The following KAT6B variants were observed in gnomAD, a reference collection of about 807,000 sequenced individuals.
KAT6B encodes histone acetyltransferase KAT6B.
Under a neutral mutation model 187.5 loss-of-function variants are expected in KAT6B, and 10 were observed. The ratio of observed to expected loss-of-function variants is 0.05; its 90% CI spans 0.03 to 0.09. KAT6B has a LOEUF of 0.09. KAT6B is among the 10% of genes least tolerant of loss of function. The probability of loss-of-function intolerance (pLI) is 1.00; values close to 1 mark genes in which losing one functional copy is unlikely to be tolerated. For synonymous variants in KAT6B, 861 were observed against 926.8 expected (o/e 0.93, Z 1.29); for missense variants, 1,952 against 2,558.9 (o/e 0.76, Z 5.12).
chr10:74,947,388 A>T (rs1177438011), intron 3 of KAT6B, among the ~76,000 whole-genome samples: 2 of 152,352 alleles, frequency 1.3e-5, no homozygotes, highest in South Asian at 4.1e-4. Context: ...ATTTCCCCCC[A>T]TAACCGTGTG....
intron 3 of KAT6B, among the ~76,000 whole-genome samples, chr10:74,865,169 C>T (rs1280752724): frequency 6.6e-6 from 1 of 152,028 alleles, no homozygotes; most frequent in African/African-American, 2.4e-5. Flanking sequence ...AGTGCCTATT[C>T]AATAACAAAA....
chr10:74,897,600 G>A (rs1230497007), intron 3 of KAT6B, among the ~76,000 whole-genome samples: 1 of 152,134 alleles, frequency 6.6e-6, no homozygotes, highest in African/African-American at 2.4e-5. Context: ...CCCCTAGCAA[G>A]GCATGTAGTT....
chr10:74,967,044 A>C (rs565078678), intron 4 of KAT6B, among the ~76,000 whole-genome samples: 1 of 150,690 alleles, frequency 6.6e-6, no homozygotes, highest in African/African-American at 2.5e-5. Flanking sequence ...ATAAAAAAAT[A>C]GGCTGGGCGC....
At chr10:75,012,899 G>A (rs182364469) in intron 13 of KAT6B, among the ~76,000 whole-genome samples, 2 of 152,254 alleles carry the variant, frequency 1.3e-5, no homozygotes, top group South Asian at 4.1e-4. Flanking sequence ...ATTCCACTCT[G>A]GAATGGACTT....
At chr10:74,999,005 C>T (rs1382968329) in intron 13 of KAT6B, among the ~76,000 whole-genome samples, 1 of 152,094 alleles carries the variant, frequency 6.6e-6, no homozygotes, top group Non-Finnish European at 1.5e-5. Flanking sequence ...AATATGTTCT[C>T]AATTATGTAA....
chr10:74,972,573 C>T lies in KAT6B; in HGVS notation c.995C>T (p.Ala332Val). ...KGRKLLHEKA[A>V]QIKRRYAKPI... ...AGAAAACTACTTCATGAGAAAGCTG[C>T]ACAAATAAAACGACGATATGCAAAA... is the stretch of plus-strand genomic sequence containing the variant. Residue 332 changes from alanine (A) to valine (V), a missense_variant, in exon 7 of 18, where the codon GCA becomes GTA. Transcript: ENST00000287239. The T allele has an allele frequency of 6.2e-7, 1 of 1,608,260 alleles. No homozygotes were observed. The highest frequency in any genetic ancestry group is 8.5e-7 in the Non-Finnish European group (1 of 1,175,748).
At chr10:74,946,869 T>C (rs1009338507) in intron 3 of KAT6B, among the ~76,000 whole-genome samples, 1 of 152,204 alleles carries the variant, frequency 6.6e-6, no homozygotes, top group South Asian at 2.1e-4. Context: ...GTATGTAAAA[T>C]ATGGCTCAAC....
intron 3 of KAT6B, among the ~76,000 whole-genome samples, chr10:74,921,108 A>ATTTTTTT (rs10550175): frequency 3.7e-5 from 4 of 109,508 alleles, no homozygotes; most frequent in Non-Finnish European, 7.0e-5. Context: ...TGTAGTCTAA[A>ATTTTTTT]TTTTTTTTTT....
At chr10:74,838,541 A>G (rs1841485541) in intron 1 of KAT6B, 142 bp from the exon 2 acceptor site, 1 of 152,250 alleles carries the variant, frequency 6.6e-6, no homozygotes, top group Non-Finnish European at 1.5e-5. Flanking sequence ...TCAGTGGTCT[A>G]AAAGAATTAT....
chr10:75,029,936 C>T lies in KAT6B; in HGVS notation c.5112C>T (p.Cys1704=), dbSNP rs767983250. The change falls in exon 18 of 18, where the codon TGC becomes TGT. Residue 1704 remains cysteine (C), a synonymous_variant. Coordinates refer to ENST00000287239, the MANE Select transcript of KAT6B (RefSeq NM_012330.4). The surrounding 1 kb of genome is among the most constrained non-coding windows in gnomAD (Gnocchi z 6.2). ...ICGNGSSQNS[C]SYSNLTSSSL... ...GAAACGGCTCTTCACAGAACAGCTG[C>T]TCCTATAGCAACCTCACCTCCAGCA... is the stretch of plus-strand genomic sequence containing the variant. The T allele has an allele frequency of 2.9e-5, 47 of 1,614,098 alleles. No homozygotes were observed. The highest frequency in any genetic ancestry group is 3.7e-5 in the Non-Finnish European group (44 of 1,180,048).
rs368259149 is a variant in KAT6B at position 74,975,619 on chromosome 10, A to C, written c.1282A>C (p.Asn428His). Residue 428 changes from asparagine to histidine, a missense_variant, in exon 8 of 18, where the codon AAC becomes CAC. This residue lies in a region of KAT6B where 417 missense variants were observed against 508.9 expected (regional missense o/e 0.82). Transcript: ENST00000287239. ...CATTTCTGCCTCTACACTTAAAGTTAACAAGAAAACCAAAGGGCTCATTGA... is the reference window on the plus strand; with the variant it reads ...CATTTCTGCCTCTACACTTAAAGTTCACAAGAAAACCAAAGGGCTCATTGA... ...TYISASTLKV[N>H]KKTKGLIDGL... is the part of the protein sequence containing the mutation. The C allele has an allele frequency of 1.6e-4, 258 of 1,614,066 alleles. No individual in the cohort carries two copies. The highest frequency in any genetic ancestry group is 2.1e-4 in the Non-Finnish European group (247 of 1,180,062).
At chr10:74,965,760 C>A (rs1841417709) in intron 4 of KAT6B, among the ~76,000 whole-genome samples, 1 of 150,288 alleles carries the variant, frequency 6.7e-6, no homozygotes, top group Non-Finnish European at 1.5e-5. Context: ...GAGTCTCACT[C>A]TGATGCCCAG....
At chr10:74,890,095 G>C (rs1027871066) in intron 3 of KAT6B, among the ~76,000 whole-genome samples, 3 of 151,716 alleles carry the variant, frequency 2.0e-5, no homozygotes, top group Non-Finnish European at 2.9e-5. Flanking sequence ...CTGGAGTGCA[G>C]TGGTGTAGTC....
intron 14 of KAT6B, 57 bp downstream of exon 14, chr10:75,020,870 T>A (rs149516114): frequency 1.4e-6 from 2 of 1,400,666 alleles, no homozygotes; most frequent in East Asian, 2.3e-5. Context: ...CCAGAAAGGG[T>A]CCCTGGAGAT....
intron 6 of KAT6B, among the ~76,000 whole-genome samples, chr10:74,971,570 G>C (rs964284106): frequency 6.6e-6 from 1 of 151,972 alleles, no homozygotes; most frequent in African/African-American, 2.4e-5. Flanking sequence ...ATTCTTGGCT[G>C]TTTGTATATC....
intron 12 of KAT6B, among the ~76,000 whole-genome samples, chr10:74,988,048 T>G (rs1479981169): frequency 6.6e-6 from 1 of 152,232 alleles, no homozygotes; most frequent in East Asian, 1.9e-4. Flanking sequence ...AATCTTCAAT[T>G]CTGCCCTGTA....
At chr10:74,837,970 C>T (rs928444978) in intron 1 of KAT6B, among the ~76,000 whole-genome samples, 7 of 151,372 alleles carry the variant, frequency 4.6e-5, no homozygotes, top group South Asian at 2.1e-4. Flanking sequence ...GAGATTAAAT[C>T]GAGGAGTGGG....
At chr10:74,880,332 C>T (rs1000706647) in intron 3 of KAT6B, among the ~76,000 whole-genome samples, 1 of 152,160 alleles carries the variant, frequency 6.6e-6, no homozygotes, top group African/African-American at 2.4e-5. Context: ...TGGTATGTGG[C>T]CTTTTTTAAA....
chr10:74,975,816 A>G lies in KAT6B; in HGVS notation c.1479A>G (p.Ser493=), dbSNP rs1164432603. The change falls in exon 8 of 18, where the codon TCA becomes TCG. Residue 493 remains serine, a synonymous_variant. Transcript: ENST00000287239. ...TTQKLKPPPS[S]LPPPTPISGQ... ...AAAAGCTAAAACCTCCACCTTCTTC[A>G]CTTCCACCCCCAACCCCCATCTCCG... The G allele has an allele frequency of 1.9e-6, 3 of 1,613,962 alleles. No individual in the cohort carries two copies. The highest frequency in any genetic ancestry group is 1.3e-5 in the African/African-American group (1 of 74,882).
Sources: gnomAD v4.1 joint callset for allele counts (sites outside exome capture counted in the v4.1 genomes callset) on GRCh38, gnomAD v4.1.1 for gene constraint, gnomAD v4.1.1 regional missense constraint, Gnocchi (gnomAD v3.1) non-coding constraint, MANE v1.5 for transcripts, NCBI Gene and HGNC (gene_info 2026-07-23, HGNC 2026-07-21) for gene names.